The following ELP4 variants were observed in gnomAD, a reference collection of about 807,000 sequenced individuals.
ELP4 encodes elongator complex protein 4.
ELP4 carries 51 observed loss-of-function variants against 48.9 expected under a neutral mutation model. The ratio of observed to expected loss-of-function variants is 1.04; its 90% CI spans 0.83 to 1.32. The LOEUF is 1.32. Ranked by LOEUF, ELP4 falls within the 40% of genes most tolerant of loss-of-function variation. The pLI is 0.00. For missense variants in ELP4, 519 were observed against 514.6 expected (o/e 1.01, Z -0.08); for synonymous variants, 210 against 189.2 (o/e 1.11, Z -0.90).
At chr11:31,702,339 TAATAATAAC>T (rs890992539) in intron 9 of ELP4, among the ~76,000 whole-genome samples, 42 of 151,520 alleles carry the variant, frequency 2.8e-4, no homozygotes, top group Non-Finnish European at 1.8e-4. Context: ...ATAATAATAA[TAATAATAAC>T]AATAATAATT....
chr11:31,713,057 T>G (rs1010914341), intron 9 of ELP4, among the ~76,000 whole-genome samples: 1 of 152,224 alleles, frequency 6.6e-6, no homozygotes, highest in Non-Finnish European at 1.5e-5. Flanking sequence ...CTTGGGATTT[T>G]GCGGAAATTT....
rs888937785 is a variant in ELP4, at chr11:31,735,898, T to G, written c.1144-47495T>G. Among the ~76,000 whole-genome samples, 34 of 152,116 alleles carry G rather than the reference T, an allele frequency of 2.2e-4. 1 individual carries two copies. In the South Asian group the frequency reaches 2.3e-3, roughly 10 times the overall value. On this transcript the variant is annotated intron_variant, in intron 9 of 9. Coordinates refer to ENST00000640961, the MANE Select transcript of ELP4 (RefSeq NM_019040.5). ...TCAATATCGTGAAAATGGCCATACT[T>G]CCCAAGGTAATTTATAGATTCAATG...
chr11:31,517,574 A>G (rs1029566698), intron 1 of ELP4, among the ~76,000 whole-genome samples: 1 of 152,158 alleles, frequency 6.6e-6, no homozygotes, highest in Non-Finnish European at 1.5e-5. Context: ...AGATTTGTAT[A>G]CAAAAAACAA....
chr11:31,769,670 C>T (rs190485090), intron 9 of ELP4, among the ~76,000 whole-genome samples: 1 of 152,146 alleles, frequency 6.6e-6, no homozygotes, highest in East Asian at 1.9e-4. Context: ...CTAACAGTTA[C>T]CAAGTAGGAG....
intron 3 of ELP4, among the ~76,000 whole-genome samples, chr11:31,552,256 T>A (rs1359007282): frequency 6.6e-6 from 1 of 152,196 alleles, no homozygotes; most frequent in Non-Finnish European, 1.5e-5. Flanking sequence ...ACTCAGACTT[T>A]ATAACTCCTC....
chr11:31,689,309 G>C (rs1198885080), intron 9 of ELP4: 3 of 152,018 alleles, frequency 2.0e-5, no homozygotes, highest in Non-Finnish European at 4.4e-5. Flanking sequence ...AGGTATGGTG[G>C]TGCACGCCTG....
At chr11:31,658,185 C>A (rs902577332) in intron 9 of ELP4, among the ~76,000 whole-genome samples, 9 of 151,840 alleles carry the variant, frequency 5.9e-5, no homozygotes, top group African/African-American at 2.2e-4. Flanking sequence ...AAGGATTCTT[C>A]AATAAAAAAT....
In ELP4 at chr11:31,619,341, A is replaced by G. The variant is rs1219593504; in HGVS notation, c.654-7769A>G. 4.6e-5 allele frequency among the ~76,000 whole-genome samples: 7 copies of G among 152,148 alleles called. No individual in the cohort carries two copies. In the East Asian group the frequency reaches 1.4e-3, roughly 29 times the overall value. On this transcript the variant is annotated intron_variant, in intron 5 of 9. Coordinates refer to ENST00000640961, the MANE Select transcript of ELP4 (RefSeq NM_019040.5). ...GAGAAGACAGAGTATATATTTGGCTACACGTGCTGAGAATGTGGTGTCTTA... is the reference window on the plus strand; with the variant it reads ...GAGAAGACAGAGTATATATTTGGCTGCACGTGCTGAGAATGTGGTGTCTTA...
chr11:31,731,346 A>C (rs1382968053), intron 9 of ELP4, among the ~76,000 whole-genome samples: 1 of 152,190 alleles, frequency 6.6e-6, no homozygotes, highest in African/African-American at 2.4e-5. Context: ...GTATTTCAAC[A>C]AAGAAATAGA....
intron 3 of ELP4, among the ~76,000 whole-genome samples, chr11:31,593,184 T>G (rs1957613648): frequency 6.6e-6 from 1 of 152,212 alleles, no homozygotes; most frequent in South Asian, 2.1e-4. Context: ...TTTACATTTT[T>G]AACTTATTTA....
chr11:31,766,789 T>G (rs1478834512), intron 9 of ELP4, among the ~76,000 whole-genome samples: 4 of 152,136 alleles, frequency 2.6e-5, no homozygotes, highest in African/African-American at 9.6e-5. Context: ...TAATATACTC[T>G]GTAATTTACA....
intron 9 of ELP4, among the ~76,000 whole-genome samples, chr11:31,697,868 C>T (rs1191175205): frequency 6.6e-6 from 1 of 151,880 alleles, no homozygotes; most frequent in African/African-American, 2.4e-5. Flanking sequence ...AGAATTGTCT[C>T]ATTCATTTTT....
intron 9 of ELP4, among the ~76,000 whole-genome samples, chr11:31,782,099 A>G (rs1565152196): frequency 1.3e-5 from 2 of 152,198 alleles, no homozygotes; most frequent in Non-Finnish European, 2.9e-5. Context: ...TATCCTAGAT[A>G]TATTTGTATT....
intron 9 of ELP4, chr11:31,719,451 A>G (rs557867417): frequency 1.8e-4 from 73 of 398,130 alleles, no homozygotes; most frequent in African/African-American, 1.2e-3. Flanking sequence ...AATTCTAATA[A>G]TGAAATTTCT....
chr11:31,740,675 T>C (rs1947423772), intron 9 of ELP4, among the ~76,000 whole-genome samples: 1 of 152,260 alleles, frequency 6.6e-6, no homozygotes, highest in Non-Finnish European at 1.5e-5. Flanking sequence ...TTCAGTAGTT[T>C]CTATACTGCC....
rs12574458 is a variant in ELP4, at chr11:31,550,150, A to G, written c.381+10367A>G. 3.5e-3 allele frequency among the ~76,000 whole-genome samples: 530 copies of G among 152,284 alleles called. 26 individuals carry two copies. The East Asian group carries it at 0.091, about 26-fold the overall frequency. ...GTATAATAATAAAAAAAAAATAAAA[A>G]ATAATGCCAAATGAATATTTGGATC... is the stretch of plus-strand genomic sequence containing the variant. On this transcript the variant is annotated intron_variant, in intron 3 of 9. Transcript: ENST00000640961.
At chr11:31,591,431 G>T (rs1030064270) in intron 3 of ELP4, among the ~76,000 whole-genome samples, 1 of 142,578 alleles carries the variant, frequency 7.0e-6, no homozygotes. Context: ...AAGGGGGGGG[G>T]GGGGTATAAA....
At chr11:31,703,419 C>T (rs1257844338) in intron 9 of ELP4, among the ~76,000 whole-genome samples, 1 of 152,084 alleles carries the variant, frequency 6.6e-6, no homozygotes, top group Non-Finnish European at 1.5e-5. Context: ...TGATCAAAAA[C>T]ATTAGCCAGT....
chr11:31,656,866 C>T (rs1439533703), intron 9 of ELP4, among the ~76,000 whole-genome samples: 1 of 151,908 alleles, frequency 6.6e-6, no homozygotes, highest in Non-Finnish European at 1.5e-5. Context: ...TGCAGTACTT[C>T]GAAGATTTTC....
Sources: gnomAD v4.1 joint callset for allele counts (sites outside exome capture counted in the v4.1 genomes callset) on GRCh38, gnomAD v4.1.1 for gene constraint, MANE v1.5 for transcripts, NCBI Gene and HGNC (gene_info 2026-07-23, HGNC 2026-07-21) for gene names.